Variants in RAD51AP2 observed in about 807,000 individuals in gnomAD.
The protein encoded by RAD51AP2 is RAD51 associated protein 2, also known as RAD51-associated protein 2.
RAD51AP2 carries 67 observed loss-of-function variants against 85.5 expected under a neutral mutation model. That is an observed-to-expected ratio of 0.78 (90% confidence interval 0.64 to 0.96). RAD51AP2 has a LOEUF of 0.96. Among genes scored for constraint, RAD51AP2 ranks in the 40% least tolerant of loss-of-function variants. The probability of loss-of-function intolerance (pLI) is 0.00; values close to 1 mark genes in which losing one functional copy is unlikely to be tolerated. For synonymous variants in RAD51AP2, 474 were observed against 446.5 expected (o/e 1.06, Z -0.78); for missense variants, 1,307 against 1,332.4 (o/e 0.98, Z 0.30).
Position 17,517,607 on chromosome 2 carries a change from A to G in RAD51AP2, c.809T>C (p.Met270Thr). The G allele has an allele frequency of 6.2e-7, 1 of 1,613,804 alleles. No individual in the cohort carries two copies. The highest frequency in any genetic ancestry group is 1.3e-5 in the African/African-American group (1 of 74,994). ...PQFPMDLNSK[M>T]SSVYLKEIAK... ...TATTTCCTTTAAATAGACAGAGGAC[A>G]TTTTGCTATTTAAGTCCATTGGAAA... Residue 270 changes from methionine (M) to threonine (T), a missense_variant, in exon 1 of 3, where the codon ATG becomes ACG. Physicochemically the swap from Met to Thr is moderately conservative, Grantham distance 81. Coordinates refer to ENST00000399080, the MANE Select transcript of RAD51AP2 (RefSeq NM_001099218.3).
Position 17,515,547 on chromosome 2 carries a change from T to G in RAD51AP2, c.2869A>C (p.Thr957Pro). ...TTCATCTCAAAATCTTTTACTATTG[T>G]CAGAGCTTCTGTTGATAAATATTTA... is the stretch of plus-strand genomic sequence containing the variant. Reference protein sequence around the residue: ...AAKYLSTEALTIVKDFEMKRK... With the variant: ...AAKYLSTEALPIVKDFEMKRK... The change falls in exon 1 of 3, where the codon ACA becomes CCA. Residue 957 changes from threonine (T) to proline (P), a missense_variant. Thr to Pro is a conservative substitution (Grantham distance 38, BLOSUM62 -1). Coordinates refer to ENST00000399080, the MANE Select transcript of RAD51AP2 (RefSeq NM_001099218.3). The G allele has an allele frequency of 6.2e-7, 1 of 1,609,412 alleles. No homozygotes were observed. The highest frequency in any genetic ancestry group is 8.5e-7 in the Non-Finnish European group (1 of 1,178,734).
chr2:17,510,678 A>T lies in RAD51AP2; in HGVS notation c.*126T>A. Reference sequence around the variant, plus strand: ...TTTGAAAGGTAATACCATAATTTATACACTCAAAAAAAAAAACTTCTCCAC... The same window carrying T: ...TTTGAAAGGTAATACCATAATTTATTCACTCAAAAAAAAAAACTTCTCCAC... On this transcript the variant is annotated 3_prime_UTR_variant, in exon 3 of 3. Transcript: ENST00000399080. The T allele has an allele frequency of 2.1e-6, 1 of 483,686 alleles. No homozygotes were observed. The highest frequency in any genetic ancestry group is 3.5e-6 in the Non-Finnish European group (1 of 285,656). 30.0% of individuals were successfully genotyped at this position (483,686 alleles called of 1,614,324 possible).
chr2:17,516,966 C>T lies in RAD51AP2; in HGVS notation c.1450G>A (p.Glu484Lys), dbSNP rs569180563. The change falls in exon 1 of 3, where the codon GAA becomes AAA. Residue 484 changes from glutamate (E) to lysine (K), a missense_variant. By Grantham distance (56) the Glu-to-Lys change is moderately conservative. Transcript: ENST00000399080. The stretch of plus-strand genomic sequence containing the variant: ...CTCAACTGTAGAGTATTATCATTTT[C>T]TCCTTTACCATTTAGCCAAACAGTC... ...ITTVWLNGKG[E>K]NDNTLQLRYN... The T allele has an allele frequency of 6.3e-7, 1 of 1,597,646 alleles. No individual in the cohort carries two copies. Among genetic ancestry groups the T allele is most frequent in the East Asian group, 2.2e-5 (1 of 44,740 alleles).
At chr2:17,514,899 T>C (rs1662602924) in intron 1 of RAD51AP2, among the ~76,000 whole-genome samples, 1 of 151,384 alleles carries the variant, frequency 6.6e-6, no homozygotes, top group Non-Finnish European at 1.5e-5. Context: ...ACAATGTAAC[T>C]GTATGAAAAC....
In RAD51AP2 at chr2:17,510,683, C is replaced by CA. The variant is rs10717850; in HGVS notation, c.*120dup. On this transcript the variant is annotated 3_prime_UTR_variant, in exon 3 of 3. Coordinates refer to ENST00000399080, the MANE Select transcript of RAD51AP2 (RefSeq NM_001099218.3). ...AAGGTAATACCATAATTTATACACT[C>CA]AAAAAAAAAAACTTCTCCACTTTAT... is the stretch of plus-strand genomic sequence containing the variant. The CA allele has an allele frequency of 0.013, 5,449 of 434,994 alleles. No individual in the cohort carries two copies. The highest frequency in any genetic ancestry group is 0.018 in the Middle Eastern group (30 of 1,622). 26.9% of individuals were successfully genotyped at this position (434,994 alleles called of 1,614,324 possible). A position where few individuals can be genotyped will look rare whatever the true frequency, so the allele number is the denominator to read the frequency against.
Position 17,518,173 on chromosome 2 carries a change from A to G in RAD51AP2, c.243T>C (p.Ile81=). The change falls in exon 1 of 3, where the codon ATT becomes ATC. Residue 81 remains isoleucine, a synonymous_variant. Coordinates refer to ENST00000399080, the MANE Select transcript of RAD51AP2 (RefSeq NM_001099218.3). The part of the protein sequence containing the change: ...FKGLLVSTNA[I]FDNSTDSCVE... ...CACACGAGTCTGTGGAGTTATCGAA[A>G]ATAGCATTCGTTGAAACAAGGAGTC... is the stretch of plus-strand genomic sequence containing the variant. 1 of 1,614,184 alleles carries G rather than the reference A, an allele frequency of 6.2e-7. No individual in the cohort carries two copies. Among genetic ancestry groups the G allele is most frequent in the Non-Finnish European group, 8.5e-7 (1 of 1,180,030 alleles).
the RAD51AP2 span, among the ~76,000 whole-genome samples, chr2:17,532,405 C>T: frequency 5.9e-5 from 9 of 152,114 alleles, no homozygotes; most frequent in African/African-American, 2.2e-4. Flanking sequence ...AGTCACGCAG[C>T]ATTCTCCCTG....
the RAD51AP2 span, among the ~76,000 whole-genome samples, chr2:17,536,408 T>C: frequency 6.6e-6 from 1 of 152,234 alleles, no homozygotes; most frequent in Non-Finnish European, 1.5e-5. Context: ...TTATGGAGTG[T>C]TGCCACTAAC....
At chr2:17,518,587 C>A, upstream of RAD51AP2, 1 of 768,282 alleles carries the variant, frequency 1.3e-6, no homozygotes, top group Non-Finnish European at 2.0e-6. Flanking sequence ...AGCCTCAGCC[C>A]CGCCCCGCCT....
At chr2:17,525,811 A>G in the RAD51AP2 span, among the ~76,000 whole-genome samples, 2 of 152,050 alleles carry the variant, frequency 1.3e-5, no homozygotes, top group Admixed American at 1.3e-4. Flanking sequence ...ACAATAACCT[A>G]GAAAACCATA....
chr2:17,531,081 C>T, the RAD51AP2 span, among the ~76,000 whole-genome samples: 27 of 152,264 alleles, frequency 1.8e-4, no homozygotes, highest in African/African-American at 6.3e-4. Context: ...AGTAATATGT[C>T]ATTTTGCTAA....
chr2:17,530,128 A>G, the RAD51AP2 span, among the ~76,000 whole-genome samples: 4 of 152,200 alleles, frequency 2.6e-5, no homozygotes, highest in Non-Finnish European at 5.9e-5. Flanking sequence ...AGAAGATTCT[A>G]TCATAAATCT....
Position 17,518,384 on chromosome 2 carries a change from G to C in RAD51AP2, c.32C>G (p.Ala11Gly). 1 of 1,613,048 alleles carries C rather than the reference G, an allele frequency of 6.2e-7. No homozygotes were observed. The highest frequency in any genetic ancestry group is 8.5e-7 in the Non-Finnish European group (1 of 1,179,824). Residue 11 changes from alanine (A) to glycine (G), a missense_variant, in exon 1 of 3, where the codon GCC becomes GGC. Ala to Gly is a moderately conservative substitution (Grantham distance 60). This residue lies in a region of RAD51AP2 where 635 missense variants were observed against 643.6 expected (regional missense o/e 0.99). Coordinates refer to ENST00000399080, the MANE Select transcript of RAD51AP2 (RefSeq NM_001099218.3). ...AGAGGAGGTAGGCTTTCTGAGCTCG[G>C]CCATCCGCGGCGTGGGCTGAGGGAG... MSLPQPTPRM[A>G]ELRKPTSSLT...
the RAD51AP2 span, among the ~76,000 whole-genome samples, chr2:17,533,659 A>G: frequency 6.6e-6 from 1 of 152,232 alleles, no homozygotes; most frequent in South Asian, 2.1e-4. Flanking sequence ...TATATGTGTA[A>G]TCCAAGCACA....
chr2:17,537,638 C>G, the RAD51AP2 span, among the ~76,000 whole-genome samples: 1 of 152,166 alleles, frequency 6.6e-6, no homozygotes, highest in South Asian at 2.1e-4. Flanking sequence ...GTTCCCAGGA[C>G]TATGAGCTTA....
chr2:17,522,004 G>C (rs548932609), upstream of RAD51AP2, among the ~76,000 whole-genome samples: 3 of 151,442 alleles, frequency 2.0e-5, no homozygotes, highest in Admixed American at 2.0e-4. Flanking sequence ...TCAATCTCTC[G>C]TTATCTCTTT....
Position 17,517,177 on chromosome 2 carries a change from T to C in RAD51AP2, c.1239A>G (p.Ile413Met). 1 of 1,610,598 alleles carries C rather than the reference T, an allele frequency of 6.2e-7. No individual in the cohort carries two copies. Among genetic ancestry groups the C allele is most frequent in the Admixed American group, 1.7e-5 (1 of 59,382 alleles). Residue 413 changes from isoleucine (I) to methionine (M), a missense_variant, in exon 1 of 3, where the codon ATA becomes ATG. Ile to Met is a conservative substitution (Grantham distance 10). Coordinates refer to ENST00000399080, the MANE Select transcript of RAD51AP2 (RefSeq NM_001099218.3). ...LRRNRGNCWI[I>M]NNCKTKCENM... ...TTTCACATTTAGTCTTGCAATTATT[T>C]ATAATCCAACAATTTCCTCTATTTC...
chr2:17,533,017 G>A, the RAD51AP2 span, among the ~76,000 whole-genome samples: 1 of 152,152 alleles, frequency 6.6e-6, no homozygotes, highest in Non-Finnish European at 1.5e-5. Flanking sequence ...AAACAAATAT[G>A]TAGGGAGAAT....
chr2:17,524,317 T>C, the RAD51AP2 span, among the ~76,000 whole-genome samples: 2 of 151,954 alleles, frequency 1.3e-5, no homozygotes, highest in Non-Finnish European at 2.9e-5. Context: ...TCCAAAATAA[T>C]ACACAGTCTT....
Sources: allele counts gnomAD v4.1 joint callset (sites outside exome capture counted in the v4.1 genomes callset), GRCh38; gene constraint gnomAD v4.1.1; regional missense constraint gnomAD v4.1.1; transcripts MANE v1.5; gene names NCBI Gene and HGNC (gene_info 2026-07-23, HGNC 2026-07-21).